The following THRB variants were observed in gnomAD, a reference collection of about 807,000 sequenced individuals.
THRB encodes thyroid hormone receptor beta, also known as nuclear receptor subfamily 1 group A member 2.
In THRB, 12 loss-of-function variants were observed where a neutral mutation model predicts 47.8. The observed-to-expected ratio is 0.25, with a 90% confidence interval of 0.16 to 0.41. The LOEUF is 0.41. Among genes scored for constraint, THRB ranks in the 10% least tolerant of loss-of-function variants. The pLI, the probability that THRB is intolerant of heterozygous loss-of-function variation, is 1.00. For missense variants in THRB, 348 were observed against 589.2 expected (o/e 0.59, Z 4.24); for synonymous variants, 218 against 212.2 (o/e 1.03, Z -0.24).
intron 3 of THRB, among the ~76,000 whole-genome samples, chr3:24,244,249 A>T (rs2049883392): frequency 6.6e-6 from 1 of 152,238 alleles, no homozygotes; most frequent in South Asian, 2.1e-4. Context: ...AAACTTTGTT[A>T]TATAAATTAC....
chr3:24,124,454 T>C (rs993536035), intron 10 of THRB, among the ~76,000 whole-genome samples: 1 of 152,176 alleles, frequency 6.6e-6, no homozygotes, highest in Admixed American at 6.5e-5. Flanking sequence ...TTGCTTTGGA[T>C]GTGTTCTTTC....
intron 1 of THRB, among the ~76,000 whole-genome samples, chr3:24,404,770 T>C (rs1175052483): frequency 6.6e-6 from 1 of 151,898 alleles, no homozygotes; most frequent in East Asian, 1.9e-4. Flanking sequence ...AAACACAATT[T>C]CTTTGGAGTT....
chr3:24,333,343 A>G (rs892448378), intron 2 of THRB, among the ~76,000 whole-genome samples: 4 of 152,250 alleles, frequency 2.6e-5, no homozygotes, highest in Non-Finnish European at 2.9e-5. Context: ...CAAGAGAGAG[A>G]AAAGAAAGAA....
At chr3:24,431,097 G>C (rs1002922761) in intron 1 of THRB, 1 of 152,016 alleles carries the variant, frequency 6.6e-6, no homozygotes. Context: ...GTCAGTGTGG[G>C]TGAGATCTAA....
chr3:24,458,510 C>A (rs1006128323), intron 1 of THRB: 1 of 152,202 alleles, frequency 6.6e-6, no homozygotes, highest in Non-Finnish European at 1.5e-5. Context: ...TAAACATTTT[C>A]GATTCTTTCA....
At chr3:24,377,456 C>T (rs1404324757) in intron 1 of THRB, among the ~76,000 whole-genome samples, 1 of 152,046 alleles carries the variant, frequency 6.6e-6, no homozygotes, top group Non-Finnish European at 1.5e-5. Context: ...GGGCTGATGG[C>T]ATTATGTGTG....
chr3:24,246,035 T>C (rs896115901), intron 3 of THRB, among the ~76,000 whole-genome samples: 3 of 152,216 alleles, frequency 2.0e-5, no homozygotes, highest in Non-Finnish European at 4.4e-5. Context: ...TTGGACAGAA[T>C]AGCTACATCA....
At chr3:24,334,873 T>G (rs936893560) in intron 2 of THRB, among the ~76,000 whole-genome samples, 1 of 152,290 alleles carries the variant, frequency 6.6e-6, no homozygotes, top group Admixed American at 6.5e-5. Context: ...TCCAGCATAG[T>G]TAAAAGCGTA....
At chr3:24,355,115 T>C (rs1319651462) in intron 1 of THRB, among the ~76,000 whole-genome samples, 1 of 152,106 alleles carries the variant, frequency 6.6e-6, no homozygotes, top group Non-Finnish European at 1.5e-5. Flanking sequence ...AAAACTAACA[T>C]CCTCAATAAT....
At position 24,350,334 on chromosome 3, in the gene THRB, A is replaced by C. The variant is rs146671519; in HGVS notation, c.-260-12963T>G. On this transcript the variant is annotated intron_variant, in intron 1 of 10. Coordinates refer to ENST00000646209, the MANE Select transcript of THRB (RefSeq NM_001354712.2). ...GCTGAATACACATATATTATTAACCAGCAACTTCACTCCCAAACCTAACAG... is the reference window on the plus strand; with the variant it reads ...GCTGAATACACATATATTATTAACCCGCAACTTCACTCCCAAACCTAACAG... 3.9e-5 allele frequency among the ~76,000 whole-genome samples: 6 copies of C among 152,242 alleles called. No individual in the cohort carries two copies. The East Asian group carries it at 1.2e-3, about 29-fold the overall frequency.
intron 4 of THRB, among the ~76,000 whole-genome samples, chr3:24,219,530 C>T (rs2046950942): frequency 6.6e-6 from 1 of 152,166 alleles, no homozygotes; most frequent in Non-Finnish European, 1.5e-5. Context: ...GTTTCAGGAA[C>T]CATGAGTTTG....
chr3:24,349,296 G>A (rs1487442001), intron 1 of THRB, among the ~76,000 whole-genome samples: 1 of 151,974 alleles, frequency 6.6e-6, no homozygotes, highest in Non-Finnish European at 1.5e-5. Flanking sequence ...TCAATATACA[G>A]TAATCCCTAT....
chr3:24,188,344 A>G (rs1040482605), intron 5 of THRB, among the ~76,000 whole-genome samples: 10 of 152,232 alleles, frequency 6.6e-5, no homozygotes, highest in Non-Finnish European at 1.2e-4. Flanking sequence ...TGTATTAACA[A>G]TCTTATAAGT....
At chr3:24,309,376 A>G (rs947314933) in intron 2 of THRB, among the ~76,000 whole-genome samples, 3 of 152,222 alleles carry the variant, frequency 2.0e-5, no homozygotes, top group African/African-American at 7.2e-5. Flanking sequence ...AACAATCACA[A>G]AAGCTGTTTG....
chr3:24,446,429 G>T (rs1256431971), intron 1 of THRB, among the ~76,000 whole-genome samples: 1 of 152,108 alleles, frequency 6.6e-6, no homozygotes, highest in South Asian at 2.1e-4. Context: ...AAAGAAAGCA[G>T]GTTTGGAGAG....
chr3:24,469,302 C>G (rs2074384769), intron 1 of THRB, among the ~76,000 whole-genome samples: 1 of 152,128 alleles, frequency 6.6e-6, no homozygotes, highest in African/African-American at 2.4e-5. Flanking sequence ...ATAATGAGCT[C>G]AATACGTTCA....
rs73823264 is a variant in THRB at position 24,254,555 on chromosome 3, T to C, written c.-42-25554A>G. Among the ~76,000 whole-genome samples the C allele has an allele frequency of 8.6e-3, 1,308 of 152,296 alleles. 25 individuals are homozygous for C. Among genetic ancestry groups the C allele is most frequent in the African/African-American group, 0.029 (1,225 of 41,552 alleles). ...AAATATGCATCTTCCAAGGTAATCA[T>C]TGAAGAAGATTGCACTTAAATGTGT... On this transcript the variant is annotated intron_variant, in intron 3 of 10. Transcript: ENST00000646209.
At chr3:24,370,285 T>C (rs904234582) in intron 1 of THRB, among the ~76,000 whole-genome samples, 1 of 152,110 alleles carries the variant, frequency 6.6e-6, no homozygotes, top group Non-Finnish European at 1.5e-5. Flanking sequence ...ATCCTGCCCA[T>C]GGTATGTCAC....
rs370478228 is a variant in THRB, at chr3:24,439,963, G to A, written c.-261+54689C>T. On this transcript the variant is annotated intron_variant, in intron 1 of 10. Transcript: ENST00000646209. ...CATGTGACCCACATAGATCAAAGGA[G>A]GATTATCCTTTTTGTTTGGGACACA... 1.2e-4 allele frequency among the ~76,000 whole-genome samples: 18 copies of A among 152,178 alleles called. 1 individual carries two copies. Among genetic ancestry groups the A allele is most frequent in the East Asian group, 1.2e-3 (6 of 5,168 alleles).
Sources: allele counts gnomAD v4.1 joint callset (sites outside exome capture counted in the v4.1 genomes callset), GRCh38; gene constraint gnomAD v4.1.1; transcripts MANE v1.5; gene names NCBI Gene and HGNC (gene_info 2026-07-23, HGNC 2026-07-21).